Variants in AFF3 observed in about 807,000 individuals in gnomAD.
AFF3 encodes ALF transcription elongation factor 3.
AFF3 carries 32 observed loss-of-function variants against 129.7 expected under a neutral mutation model. The ratio of observed to expected loss-of-function variants is 0.25; its 90% CI spans 0.19 to 0.33. AFF3 has a LOEUF of 0.33. Among genes scored for constraint, AFF3 ranks in the 10% least tolerant of loss-of-function variants. The probability of loss-of-function intolerance (pLI) is 1.00; values close to 1 mark genes in which losing one functional copy is unlikely to be tolerated. For missense variants in AFF3, 1,373 were observed against 1,592.0 expected (o/e 0.86, Z 2.34); for synonymous variants, 644 against 635.4 (o/e 1.01, Z -0.20).
intron 7 of AFF3, among the ~76,000 whole-genome samples, chr2:99,916,605 AAC>A (rs1695492420): frequency 6.6e-6 from 1 of 152,146 alleles, no homozygotes; most frequent in East Asian, 1.9e-4. Flanking sequence ...AAGATCTTCC[AAC>A]AGGTTCTCCA....
chr2:99,896,620 C>CTTTT (rs35573862), intron 7 of AFF3, among the ~76,000 whole-genome samples: 1,754 of 36,126 alleles, frequency 0.049, 649 homozygotes, highest in Non-Finnish European at 0.065. Context: ...TGTCAAAATG[C>CTTTT]TTTTTTTTTT....
chr2:99,872,294 A>C (rs1171137663), intron 7 of AFF3, among the ~76,000 whole-genome samples: 3 of 151,578 alleles, frequency 2.0e-5, no homozygotes, highest in African/African-American at 7.3e-5. Flanking sequence ...TGCCTTAAGA[A>C]CTTGATCCAT....
At chr2:99,969,478 C>CATTCATTTATTTATTTATTT (rs1553491623) in intron 7 of AFF3, among the ~76,000 whole-genome samples, 2 of 150,410 alleles carry the variant, frequency 1.3e-5, no homozygotes, top group African/African-American at 4.9e-5. Flanking sequence ...ATTTTATTTT[C>CATTCATTTATTTATTTATTT]ATTTATTTAT....
At chr2:99,711,510 G>A (rs957545617) in intron 11 of AFF3, among the ~76,000 whole-genome samples, 2 of 152,136 alleles carry the variant, frequency 1.3e-5, no homozygotes, top group Admixed American at 6.5e-5. Context: ...GCATGCGGGT[G>A]CAAAGAGAAC....
intron 4 of AFF3, among the ~76,000 whole-genome samples, chr2:100,056,150 G>A (rs555011938): frequency 1.0e-4 from 15 of 148,960 alleles, no homozygotes; most frequent in East Asian, 2.0e-4. Context: ...GTATTATCAC[G>A]CTAGTCACAT....
At chr2:99,645,903 C>A (rs995116753) in intron 13 of AFF3, among the ~76,000 whole-genome samples, 1 of 152,144 alleles carries the variant, frequency 6.6e-6, no homozygotes, top group African/African-American at 2.4e-5. Flanking sequence ...ACAAGACTGA[C>A]TTTCCAAAGA....
chr2:99,582,682 C>A, intron 17 of AFF3, 116 bp downstream of exon 17: 1 of 1,124,098 alleles, frequency 8.9e-7, no homozygotes. Flanking sequence ...GGGAGGCATT[C>A]AGGAATTCTC....
intron 8 of AFF3, among the ~76,000 whole-genome samples, chr2:99,793,129 C>A (rs1685314772): frequency 6.6e-6 from 1 of 152,062 alleles, no homozygotes. Flanking sequence ...TGGCCTGGTG[C>A]CCTCCCCATG....
intron 7 of AFF3, among the ~76,000 whole-genome samples, chr2:99,995,129 G>C (rs1680718891): frequency 6.6e-6 from 1 of 152,182 alleles, no homozygotes; most frequent in African/African-American, 2.4e-5. Context: ...GGTAAGACTT[G>C]CACTAGGTCT....
At chr2:100,136,922 G>T (rs1692662847) in intron 1 of AFF3, among the ~76,000 whole-genome samples, 1 of 152,110 alleles carries the variant, frequency 6.6e-6, no homozygotes, top group Non-Finnish European at 1.5e-5. Flanking sequence ...TATAGGTCTT[G>T]TGGTGTTTCC....
intron 4 of AFF3, among the ~76,000 whole-genome samples, chr2:100,100,590 G>A (rs1559124702): frequency 6.6e-6 from 1 of 152,048 alleles, no homozygotes; most frequent in Non-Finnish European, 1.5e-5. Context: ...CACCAGTGTT[G>A]AAAACTTCCT....
At chr2:100,105,475 A>G (rs779020735) in intron 3 of AFF3, 29 bp downstream of exon 3, 1 of 1,325,794 alleles carries the variant, frequency 7.5e-7, no homozygotes, top group South Asian at 1.2e-5. Context: ...CAGCCCTGGA[A>G]ACCAACCTCC....
chr2:100,039,800 C>T (rs1451065361), intron 4 of AFF3, among the ~76,000 whole-genome samples: 1 of 152,160 alleles, frequency 6.6e-6, no homozygotes, highest in African/African-American at 2.4e-5. Context: ...CTCTTGGAAA[C>T]AGTCCCTGAG....
At position 100,005,551 on chromosome 2, in the gene AFF3, C is replaced by T. The variant is rs560845131; in HGVS notation, c.873+1081G>A. Among the ~76,000 whole-genome samples, 8 of 152,210 alleles carry T rather than the reference C, an allele frequency of 5.3e-5. No individual in the cohort carries two copies. The East Asian group carries it at 1.5e-3, about 29-fold the overall frequency. ...CTACAAACTTTTAAAAACGTAAATG[C>T]CTATAGAAATTACATTTTGCTTCCA... On this transcript the variant is annotated intron_variant, in intron 7 of 24. Coordinates refer to ENST00000672756, the MANE Select transcript of AFF3 (RefSeq NM_001386135.1).
At chr2:99,997,175 G>C (rs144551854) in intron 7 of AFF3, among the ~76,000 whole-genome samples, 2 of 152,218 alleles carry the variant, frequency 1.3e-5, no homozygotes, top group East Asian at 3.9e-4. Context: ...TACAGATTTC[G>C]TTCTCCAAAC....
At chr2:99,822,598 C>T (rs1247035539) in intron 8 of AFF3, among the ~76,000 whole-genome samples, 1 of 152,164 alleles carries the variant, frequency 6.6e-6, no homozygotes, top group African/African-American at 2.4e-5. Flanking sequence ...TAACAAATCT[C>T]TCTTTGTGTT....
At position 99,952,898 on chromosome 2, in the gene AFF3, T is replaced by C. The variant is rs375281422; in HGVS notation, c.873+53734A>G. On this transcript the variant is annotated intron_variant, in intron 7 of 24. Transcript: ENST00000672756. ...TGACCACAGGTGAGTTGTTGAATCATCCTGTGTTTCAGTTTCCTTACCTGT... is the reference window on the plus strand; with the variant it reads ...TGACCACAGGTGAGTTGTTGAATCACCCTGTGTTTCAGTTTCCTTACCTGT... 2.4e-4 allele frequency among the ~76,000 whole-genome samples: 37 copies of C among 152,318 alleles called. No individual in the cohort carries two copies. The East Asian group carries it at 6.8e-3, about 28-fold the overall frequency.
chr2:99,876,634 C>G (rs578147185), intron 7 of AFF3, among the ~76,000 whole-genome samples: 241 of 152,206 alleles, frequency 1.6e-3, no homozygotes, highest in Middle Eastern at 0.01. Flanking sequence ...TGTCATTCCC[C>G]TGCTTGAGAT....
chr2:99,994,121 T>TA (rs111827633), intron 7 of AFF3, among the ~76,000 whole-genome samples: 16,635 of 151,486 alleles, frequency 0.11, 1,241 homozygotes, highest in Non-Finnish European at 0.15. Context: ...TAATCTTTTT[T>TA]AAAAAAAAAT....
Sources: allele counts gnomAD v4.1 joint callset (sites outside exome capture counted in the v4.1 genomes callset), GRCh38; gene constraint gnomAD v4.1.1; transcripts MANE v1.5; gene names NCBI Gene and HGNC (gene_info 2026-07-23, HGNC 2026-07-21).